The following SZT2 variants were observed in gnomAD, a reference collection of about 807,000 sequenced individuals.
SZT2 encodes KICSTOR complex protein SZT2.
A neutral mutation model predicts 404.2 loss-of-function variants in SZT2; 216 were observed. That is an observed-to-expected ratio of 0.53 (90% CI 0.48 to 0.60). The LOEUF is 0.60. Among genes scored for constraint, SZT2 ranks in the 20% least tolerant of loss-of-function variants. SZT2 has a pLI of 0.00. For missense variants in SZT2, 3,857 were observed against 4,459.2 expected (o/e 0.86, Z 3.85); for synonymous variants, 1,693 against 1,749.9 (o/e 0.97, Z 0.81).
chr1:43,434,365 C>T (rs1461161574), intron 40 of SZT2, 21 bp from the exon 41 acceptor site: 5 of 1,575,332 alleles, frequency 3.2e-6, no homozygotes, highest in Non-Finnish European at 4.3e-6. Context: ...CAGTTCTGGT[C>T]AGATTATCCT....
rs765793546 is a variant in SZT2, at chr1:43,430,325, G to A, written c.4416G>A (p.Arg1472=). Residue 1472 remains arginine (R), a synonymous_variant, in exon 31 of 72, where the codon CGG becomes CGA. Coordinates refer to ENST00000634258, the MANE Select transcript of SZT2 (RefSeq NM_001365999.1). ...CTTTTGCCTAGGATGAGGGGCCTCG[G>A]GACACAGTAGACAGAAAAATCAGTG... ...PSSRREDEGP[R]DTVDRKISDL... The A allele has an allele frequency of 1.2e-6, 2 of 1,613,422 alleles. No individual in the cohort carries two copies. The highest frequency in any genetic ancestry group is 1.7e-6 in the Non-Finnish European group (2 of 1,179,842).
At chr1:43,393,411 GTC>G (rs1648640553) in intron 1 of SZT2, among the ~76,000 whole-genome samples, 1 of 152,184 alleles carries the variant, frequency 6.6e-6, no homozygotes, top group African/African-American at 2.4e-5. Flanking sequence ...GAGAGTGTAA[GTC>G]TCTGCCAAAA....
In SZT2 at chr1:43,447,039, C is replaced by T; in HGVS notation, c.9157C>T (p.Leu3053Phe). The T allele has an allele frequency of 6.2e-7, 1 of 1,613,974 alleles. No homozygotes were observed. The highest frequency in any genetic ancestry group is 8.5e-7 in the Non-Finnish European group (1 of 1,180,014). Residue 3053 changes from leucine (L) to phenylalanine (F), a missense_variant, in exon 66 of 72, where the codon CTC becomes TTC. Transcript: ENST00000634258. ...GTTCAGCTATGACTTCCATCTGCGC[C>T]TCGTGCATCAGCACGTGCTAGGTGC... ...HSFSYDFHLR[L>F]VHQHVLGAHL...
chr1:43,422,279 G>T, intron 12 of SZT2, 54 bp downstream of exon 12: 1 of 1,528,184 alleles, frequency 6.5e-7, no homozygotes, highest in South Asian at 1.2e-5. Flanking sequence ...GGGTCAGGGG[G>T]ATAGGGAATG....
chr1:43,450,198 C>G lies in SZT2; in HGVS notation c.10155+27C>G. 6.2e-7 allele frequency: 1 copy of G among 1,614,040 alleles called. No individual in the cohort carries two copies. Among genetic ancestry groups the G allele is most frequent in the Non-Finnish European group, 8.5e-7 (1 of 1,179,922 alleles). On this transcript the variant is annotated intron_variant, in intron 71 of 71. Transcript: ENST00000634258. This position sits in a 1 kb window ranked among gnomAD's most constrained non-coding sequence, Gnocchi z 4.3. ...TAAGAACGAGTGGGGGGCTTTGTGTCAGCCTCATGGGAGGCCGTACCCCAA... is the reference window on the plus strand; with the variant it reads ...TAAGAACGAGTGGGGGGCTTTGTGTGAGCCTCATGGGAGGCCGTACCCCAA...
In SZT2 at chr1:43,432,309, T is replaced by C. The variant is rs754468234; in HGVS notation, c.5312T>C (p.Leu1771Pro). 4 of 1,589,626 alleles carry C rather than the reference T, an allele frequency of 2.5e-6. No homozygotes were observed. Among genetic ancestry groups the C allele is most frequent in the East Asian group, 4.5e-5 (2 of 44,746 alleles). ...RRLHLPGHVLLEDPDSGFFFV... is the reference protein window; with the variant it reads ...RRLHLPGHVLPEDPDSGFFFV... ...CTCCATCTCCCTGGCCATGTTCTTC[T>C]TGAAGACCCTGACAGTGGCTTCTTC... is the stretch of plus-strand genomic sequence containing the variant. Residue 1771 changes from leucine (L) to proline (P), a missense_variant, in exon 37 of 72, where the codon CTT (leucine) becomes CCT (proline). Leu to Pro is a moderately conservative substitution (Grantham distance 98). Transcript: ENST00000634258.
chr1:43,432,980 C>G lies in SZT2; in HGVS notation c.5603-9C>G. The G allele has an allele frequency of 2.5e-6, 4 of 1,613,896 alleles. No individual in the cohort carries two copies. The highest frequency in any genetic ancestry group is 3.4e-6 in the Non-Finnish European group (4 of 1,179,962). Reference sequence around the variant, plus strand: ...CGGATGGGATTGACCTTCAATGCATCTGACACAGGTTATGATGGTGGCAGC... The same window carrying G: ...CGGATGGGATTGACCTTCAATGCATGTGACACAGGTTATGATGGTGGCAGC... On this transcript the variant is annotated splice_polypyrimidine_tract_variant and intron_variant, in intron 39 of 71. Coordinates refer to ENST00000634258, the MANE Select transcript of SZT2 (RefSeq NM_001365999.1).
intron 4 of SZT2, chr1:43,412,488 C>G (rs1317465011): frequency 6.6e-6 from 1 of 152,012 alleles, no homozygotes; most frequent in Non-Finnish European, 1.5e-5. Flanking sequence ...GAGATGAGGT[C>G]TCTACCAAGC....
chr1:43,393,758 G>A (rs1175454421), intron 1 of SZT2, among the ~76,000 whole-genome samples: 1 of 152,150 alleles, frequency 6.6e-6, no homozygotes, highest in African/African-American at 2.4e-5. Flanking sequence ...CATTCTTCCT[G>A]GTATACATGG....
In SZT2 at chr1:43,443,352, G is replaced by A; in HGVS notation, c.8500G>A (p.Ala2834Thr). The A allele has an allele frequency of 6.2e-7, 1 of 1,614,138 alleles. No individual in the cohort carries two copies. Among genetic ancestry groups the A allele is most frequent in the East Asian group, 2.2e-5 (1 of 44,868 alleles). ...RSTPATMPIS[A>T]GELETLKQSS... ...CATGCTCACTGCCCTGTTTCCCCAG[G>A]CTGGAGAGCTGGAGACCCTGAAGCA... Residue 2834 changes from alanine to threonine, a missense_variant and splice_region_variant, in exon 61 of 72, where the codon GCT (alanine) becomes ACT (threonine). Around this residue, in one of 7 missense-constraint regions of SZT2, gnomAD observed 717 missense variants for 868.2 expected, o/e 0.83. Coordinates refer to ENST00000634258, the MANE Select transcript of SZT2 (RefSeq NM_001365999.1).
Position 43,453,611 on chromosome 1 carries a change from C to A in SZT2, c.*3131C>A, listed in dbSNP as rs949427907. ...GCGACGCACCCGGGGGCGTGTTGAT[C>A]AGTACAAGCCGCAGCCCCGCTTCTC... On this transcript the variant is annotated 3_prime_UTR_variant, in exon 72 of 72. Coordinates refer to ENST00000634258, the MANE Select transcript of SZT2 (RefSeq NM_001365999.1). The A allele has an allele frequency of 5.7e-5, 86 of 1,496,950 alleles. No homozygotes were observed. In the African/African-American group the frequency reaches 1.2e-3, roughly 20 times the overall value. 92.7% of individuals were successfully genotyped at this position (1,496,950 alleles called of 1,614,324 possible).
intron 1 of SZT2, among the ~76,000 whole-genome samples, chr1:43,393,122 G>A (rs887757218): frequency 6.6e-5 from 10 of 152,202 alleles, no homozygotes; most frequent in Non-Finnish European, 1.5e-4. Context: ...TCAGAAGAAT[G>A]ACATTTAAGC....
rs1173713913 is a variant in SZT2 at position 43,450,125 on chromosome 1, C to A, written c.10109C>A (p.Thr3370Asn). 1 of 1,614,136 alleles carries A rather than the reference C, an allele frequency of 6.2e-7. No individual in the cohort carries two copies. The part of the protein sequence containing the change: ...QYLVVLNQKF[T>N]DCFVLVFLDS... Reference sequence around the variant, plus strand: ...CAGGTTGTGCTGAATCAGAAGTTCACTGACTGCTTTGTGCTAGTGTTTCTG... The same window carrying A: ...CAGGTTGTGCTGAATCAGAAGTTCAATGACTGCTTTGTGCTAGTGTTTCTG... The change falls in exon 71 of 72, where the codon ACT becomes AAT. Residue 3370 changes from threonine to asparagine, a missense_variant. Physicochemically the swap from Thr to Asn is moderately conservative, Grantham distance 65. This residue lies in a region of SZT2 where 717 missense variants were observed against 868.2 expected (regional missense o/e 0.83). Transcript: ENST00000634258. This position sits in a 1 kb window ranked among gnomAD's most constrained non-coding sequence, Gnocchi z 4.3.
At chr1:43,392,105 A>G (rs1648438825) in intron 1 of SZT2, among the ~76,000 whole-genome samples, 1 of 16,690 alleles carries the variant, frequency 6.0e-5, no homozygotes, top group African/African-American at 2.7e-4. Flanking sequence ...AAAAAAAAAA[A>G]AAAAAAAAAA....
At position 43,450,908 on chromosome 1, in the gene SZT2, G is replaced by A. The variant is rs747249941; in HGVS notation, c.*428G>A. 1.5e-5 allele frequency: 11 copies of A among 744,128 alleles called. No individual in the cohort carries two copies. The highest frequency in any genetic ancestry group is 2.5e-5 in the Non-Finnish European group (10 of 405,068). 46.1% of individuals were successfully genotyped at this position (744,128 alleles called of 1,614,324 possible). On this transcript the variant is annotated 3_prime_UTR_variant, in exon 72 of 72. Coordinates refer to ENST00000634258, the MANE Select transcript of SZT2 (RefSeq NM_001365999.1). This position sits in a 1 kb window ranked among gnomAD's most constrained non-coding sequence, Gnocchi z 4.3. ...CTTCACTTCCCACTTGGACATCACT[G>A]CTGGACATTCCCATCGAGATGACAC...
At position 43,453,542 on chromosome 1, in the gene SZT2, G is replaced by A. The variant is rs1240467999; in HGVS notation, c.*3062G>A. 6.6e-7 allele frequency: 1 copy of A among 1,522,542 alleles called. No homozygotes were observed. Among genetic ancestry groups the A allele is most frequent in the Admixed American group, 2.0e-5 (1 of 48,906 alleles). 94.3% of individuals were successfully genotyped at this position (1,522,542 alleles called of 1,614,324 possible). On this transcript the variant is annotated 3_prime_UTR_variant, in exon 72 of 72. Transcript: ENST00000634258. ...CAGCCCCCGGCTCGGACACTCCCCTGCCCGCGCCCCGGCACCCCCCAGCCC... is the reference window on the plus strand; with the variant it reads ...CAGCCCCCGGCTCGGACACTCCCCTACCCGCGCCCCGGCACCCCCCAGCCC...
chr1:43,427,977 A>C, intron 26 of SZT2, 26 bp from the exon 27 acceptor site: 4 of 1,596,318 alleles, frequency 2.5e-6, no homozygotes, highest in Non-Finnish European at 3.4e-6. Context: ...GAGTTGGTCA[A>C]GTTCCATTTT....
chr1:43,424,425 C>T lies in SZT2; in HGVS notation c.2464C>T (p.Leu822Phe). ...TGCCATTGCCCAGCTCCTCTCCATC[C>T]TCACTGAGTATGTCATCCAAGCCTG... ...LSAIAQLLSI[L>F]TEVRLSEGFH... Residue 822 changes from leucine (L) to phenylalanine (F), a missense_variant, in exon 16 of 72, where the codon CTC becomes TTC. Leu to Phe is a conservative substitution (Grantham distance 22). Coordinates refer to ENST00000634258, the MANE Select transcript of SZT2 (RefSeq NM_001365999.1). The surrounding 1 kb of genome is among the most constrained non-coding windows in gnomAD (Gnocchi z 4.1). The T allele has an allele frequency of 6.3e-7, 1 of 1,597,636 alleles. No homozygotes were observed.
At position 43,446,223 on chromosome 1, in the gene SZT2, G is replaced by C. The variant is rs1238294192; in HGVS notation, c.8961G>C (p.Leu2987=). 3.1e-6 allele frequency: 5 copies of C among 1,614,132 alleles called. No individual in the cohort carries two copies. Among genetic ancestry groups the C allele is most frequent in the Non-Finnish European group, 4.2e-6 (5 of 1,180,058 alleles). The change falls in exon 64 of 72, where the codon CTG becomes CTC. Residue 2987 remains leucine (L), a synonymous_variant. Coordinates refer to ENST00000634258, the MANE Select transcript of SZT2 (RefSeq NM_001365999.1). The part of the protein sequence containing the change: ...PVTTYHLQRA[L]PGGIILMELA... ...CCACCTACCACCTGCAGCGGGCACTGCCTGGGGGCATCATCCTCATGGAAC... is the reference window on the plus strand; with the variant it reads ...CCACCTACCACCTGCAGCGGGCACTCCCTGGGGGCATCATCCTCATGGAAC...
Sources: gnomAD v4.1 joint callset for allele counts (sites outside exome capture counted in the v4.1 genomes callset) on GRCh38, gnomAD v4.1.1 for gene constraint, gnomAD v4.1.1 regional missense constraint, Gnocchi (gnomAD v3.1) non-coding constraint, MANE v1.5 for transcripts, NCBI Gene and HGNC (gene_info 2026-07-23, HGNC 2026-07-21) for gene names.